Variants in IMMP2L observed in about 807,000 individuals in gnomAD.
The protein encoded by IMMP2L is mitochondrial inner membrane protease subunit 2.
A neutral mutation model predicts 19.3 loss-of-function variants in IMMP2L; 18 were observed. The observed-to-expected ratio is 0.93, with a 90% CI of 0.64 to 1.38. The LOEUF (loss-of-function observed/expected upper bound fraction) is 1.38. Ranked by LOEUF, IMMP2L falls within the 40% of genes most tolerant of loss-of-function variation. IMMP2L has a pLI of 0.00. For missense variants in IMMP2L, 233 were observed against 218.2 expected, an observed-to-expected ratio of 1.07 and a Z score of -0.43; for synonymous variants, 76 against 73.0, an observed-to-expected ratio of 1.04 and a Z score of -0.21.
Position 110,758,392 on chromosome 7 carries a change from T to C in IMMP2L, c.409-94671A>G, listed in dbSNP as rs775893854. Among the ~76,000 whole-genome samples the C allele has an allele frequency of 6.6e-6, 1 of 151,938 alleles. No homozygotes were observed. The highest frequency in any genetic ancestry group is 2.1e-4 in the South Asian group (1 of 4,812). On this transcript the variant is annotated intron_variant, in intron 5 of 5. Coordinates refer to ENST00000405709, the MANE Select transcript of IMMP2L (RefSeq NM_032549.4). This position sits in a 1 kb window ranked among gnomAD's most constrained non-coding sequence, Gnocchi z 4.6. ...AGAGACAGAGATTTTAAAAAATATA[T>C]AGGATAACAAACAGCACGTTAGTAT... is the stretch of plus-strand genomic sequence containing the variant.
intron 3 of IMMP2L, among the ~76,000 whole-genome samples, chr7:111,282,324 C>T (rs1376970168): frequency 5.3e-5 from 8 of 152,060 alleles, no homozygotes. Flanking sequence ...TCTGTTCTTA[C>T]AAAAATGGAA....
intron 3 of IMMP2L, among the ~76,000 whole-genome samples, chr7:111,363,646 C>T (rs1401478066): frequency 6.6e-6 from 1 of 152,008 alleles, no homozygotes; most frequent in African/African-American, 2.4e-5. Flanking sequence ...TCTTTCCCCC[C>T]TTCAATCCAT....
intron 3 of IMMP2L, among the ~76,000 whole-genome samples, chr7:110,999,332 T>G (rs1272083873): frequency 0.022 from 5 of 224 alleles, no homozygotes; most frequent in Middle Eastern, 0.5. Flanking sequence ...TTTCCATGGT[T>G]TTTTTTTTTG....
chr7:111,235,870 T>C (rs1814249834), intron 3 of IMMP2L, among the ~76,000 whole-genome samples: 1 of 152,206 alleles, frequency 6.6e-6, no homozygotes, highest in Admixed American at 6.5e-5. Flanking sequence ...TTTTTTAAAT[T>C]AGCCATTATT....
At chr7:110,887,740 C>CTT (rs200175790) in intron 4 of IMMP2L, among the ~76,000 whole-genome samples, 2 of 145,088 alleles carry the variant, frequency 1.4e-5, no homozygotes, top group Non-Finnish European at 3.0e-5. Context: ...GCAGAGACTG[C>CTT]TTTTTTTTTT....
chr7:111,445,647 G>T (rs192553193), intron 3 of IMMP2L, among the ~76,000 whole-genome samples: 4 of 152,260 alleles, frequency 2.6e-5, no homozygotes, highest in Admixed American at 2.6e-4. Flanking sequence ...TTTATGGAGT[G>T]CTAAAAGGGC....
At chr7:111,013,703 T>C (rs1825208599) in intron 3 of IMMP2L, among the ~76,000 whole-genome samples, 1 of 152,160 alleles carries the variant, frequency 6.6e-6, no homozygotes, top group Admixed American at 6.6e-5. Context: ...CATTTTACAG[T>C]GAAGTAGAAT....
At chr7:111,307,076 CT>C (rs1347427184) in intron 3 of IMMP2L, among the ~76,000 whole-genome samples, 3 of 150,138 alleles carry the variant, frequency 2.0e-5, no homozygotes, top group African/African-American at 7.3e-5. Context: ...TGTCCATTTT[CT>C]ACACAAATAA....
chr7:110,879,167 G>C (rs1455711859), intron 5 of IMMP2L, among the ~76,000 whole-genome samples: 1 of 152,072 alleles, frequency 6.6e-6, no homozygotes, highest in East Asian at 1.9e-4. Flanking sequence ...GAGGTGGATG[G>C]ATCAATTGAG....
chr7:111,224,116 G>C (rs772886088), intron 3 of IMMP2L, among the ~76,000 whole-genome samples: 3 of 151,946 alleles, frequency 2.0e-5, no homozygotes, highest in Non-Finnish European at 4.4e-5. Context: ...TCTCAACCTG[G>C]GTTTACTCGT....
intron 4 of IMMP2L, among the ~76,000 whole-genome samples, chr7:110,911,582 G>A (rs1002103341): frequency 6.6e-6 from 1 of 152,108 alleles, no homozygotes; most frequent in Non-Finnish European, 1.5e-5. Context: ...AATAATCCAA[G>A]TTGGCTAAAA....
chr7:111,454,413 A>T (rs117347268), intron 3 of IMMP2L, among the ~76,000 whole-genome samples: 2,991 of 152,234 alleles, frequency 0.02, 73 homozygotes, highest in Middle Eastern at 0.092. Context: ...TCTGCTCTCC[A>T]TCAAATACAT....
intron 3 of IMMP2L, among the ~76,000 whole-genome samples, chr7:111,397,906 C>T (rs957533158): frequency 6.6e-6 from 1 of 151,812 alleles, no homozygotes; most frequent in Non-Finnish European, 1.5e-5. Context: ...ATTATATGTC[C>T]CTTTGGTTTT....
At chr7:111,048,865 G>A (rs1192736779) in intron 3 of IMMP2L, among the ~76,000 whole-genome samples, 1 of 151,828 alleles carries the variant, frequency 6.6e-6, no homozygotes, top group African/African-American at 2.4e-5. Flanking sequence ...TGTACTGCAG[G>A]GACACCAAGC....
At chr7:110,933,579 A>C (rs1815740775) in intron 4 of IMMP2L, among the ~76,000 whole-genome samples, 1 of 152,178 alleles carries the variant, frequency 6.6e-6, no homozygotes, top group Non-Finnish European at 1.5e-5. Context: ...AATTTTCTTT[A>C]AACTCTTTGG....
chr7:111,124,833 A>T (rs780815715), intron 3 of IMMP2L: 6 of 1,612,784 alleles, frequency 3.7e-6, no homozygotes. Flanking sequence ...GGGAAGCAGG[A>T]AAAGAAAAAA....
In IMMP2L at chr7:110,758,888, T is replaced by C. The variant is rs1426609612; in HGVS notation, c.409-95167A>G. Among the ~76,000 whole-genome samples, 1 of 152,044 alleles carries C rather than the reference T, an allele frequency of 6.6e-6. No homozygotes were observed. The highest frequency in any genetic ancestry group is 1.5e-5 in the Non-Finnish European group (1 of 68,004). On this transcript the variant is annotated intron_variant, in intron 5 of 5. Coordinates refer to ENST00000405709, the MANE Select transcript of IMMP2L (RefSeq NM_032549.4). This position sits in a 1 kb window ranked among gnomAD's most constrained non-coding sequence, Gnocchi z 4.6. ...CTGACATTGCTGCTACAGAACTTCA[T>C]GGAGAGAAAAAAATGAAAAGTGCTT...
Position 110,685,119 on chromosome 7 carries a change from C to A in IMMP2L, c.409-21398G>T, listed in dbSNP as rs1306298550. Reference sequence around the variant, plus strand: ...ATCGGTCAAATAGAGAATATTGTCTCTAATCATAAAAAAATCCTGATAGTT... The same window carrying A: ...ATCGGTCAAATAGAGAATATTGTCTATAATCATAAAAAAATCCTGATAGTT... On this transcript the variant is annotated intron_variant, in intron 5 of 5. Coordinates refer to ENST00000405709, the MANE Select transcript of IMMP2L (RefSeq NM_032549.4). Among the ~76,000 whole-genome samples, 18 of 151,964 alleles carry A rather than the reference C, an allele frequency of 1.2e-4. 1 individual carries two copies. The highest frequency in any genetic ancestry group is 1.1e-3 in the Admixed American group (16 of 15,224).
intron 3 of IMMP2L, among the ~76,000 whole-genome samples, chr7:111,410,843 A>C (rs887183877): frequency 6.6e-6 from 1 of 151,834 alleles, no homozygotes; most frequent in Non-Finnish European, 1.5e-5. Flanking sequence ...AAATTATTTT[A>C]AACAAAGTAT....
Sources: allele counts gnomAD v4.1 joint callset (sites outside exome capture counted in the v4.1 genomes callset), GRCh38; gene constraint gnomAD v4.1.1; non-coding constraint Gnocchi (gnomAD v3.1); transcripts MANE v1.5; gene names NCBI Gene and HGNC (gene_info 2026-07-23, HGNC 2026-07-21).